ARHGAP20: variants seen among roughly 807,000 people sequenced by gnomAD.
ARHGAP20 encodes Rho GTPase activating protein 20, also known as rho GTPase-activating protein 20.
In ARHGAP20, 34 loss-of-function variants were observed where a neutral mutation model predicts 73.7. The ratio of observed to expected loss-of-function variants is 0.46; its 90% CI spans 0.35 to 0.61. The LOEUF is 0.61. Ranked by LOEUF, ARHGAP20 falls within the 20% of genes least tolerant of loss-of-function variation. ARHGAP20 has a pLI of 0.00. For missense variants in ARHGAP20, 1,314 were observed against 1,420.9 expected (o/e 0.92, Z 1.21); for synonymous variants, 523 against 518.2 (o/e 1.01, Z -0.13).
intron 2 of ARHGAP20, among the ~76,000 whole-genome samples, chr11:110,638,171 T>C (rs1373331949): frequency 6.6e-6 from 1 of 152,036 alleles, no homozygotes; most frequent in Non-Finnish European, 1.5e-5. Flanking sequence ...AATTCCATAC[T>C]TGGCCTCAAG....
intron 3 of ARHGAP20, among the ~76,000 whole-genome samples, chr11:110,628,112 T>C (rs1163494416): frequency 2.6e-5 from 4 of 152,202 alleles, no homozygotes; most frequent in Non-Finnish European, 1.5e-5. Context: ...ATGTAGCAGT[T>C]GATTGATTAT....
chr11:110,696,983 C>A (rs1257500213), intron 1 of ARHGAP20, among the ~76,000 whole-genome samples: 1 of 151,620 alleles, frequency 6.6e-6, no homozygotes, highest in Non-Finnish European at 1.5e-5. Flanking sequence ...TTGATGGACA[C>A]TTGGATTGGC....
chr11:110,647,596 T>A (rs1036708321), intron 2 of ARHGAP20, among the ~76,000 whole-genome samples: 10 of 152,116 alleles, frequency 6.6e-5, no homozygotes, highest in Non-Finnish European at 1.5e-5. Context: ...TCATAACTTT[T>A]TTTATGCAAA....
At position 110,581,095 on chromosome 11, in the gene ARHGAP20, G is replaced by GTC; in HGVS notation, c.1850_1851insGA (p.Leu618ThrfsTer2). On this transcript the variant is annotated frameshift_variant, in exon 15 of 15. Coordinates refer to ENST00000683387, the MANE Select transcript of ARHGAP20 (RefSeq NM_001384657.1). LOFTEE classifies it low-confidence loss of function (END_TRUNC). ...CAAGATCATAGTCACTGAGGGTTAA[G>GTC]ACAGAGTCCATGCTTCTGCTCCCCT... is the stretch of plus-strand genomic sequence containing the variant. 6.2e-7 allele frequency: 1 copy of GTC among 1,614,182 alleles called. No individual in the cohort carries two copies.
intron 11 of ARHGAP20, 29 bp from the exon 12 acceptor site, chr11:110,586,354 AAAT>A: frequency 7.2e-7 from 1 of 1,388,542 alleles, no homozygotes; most frequent in Non-Finnish European, 9.9e-7. Flanking sequence ...CAAATATTTC[AAAT>A]AATTATCCTC....
At chr11:110,627,427 C>A (rs1040486363) in intron 3 of ARHGAP20, among the ~76,000 whole-genome samples, 1 of 152,104 alleles carries the variant, frequency 6.6e-6, no homozygotes, top group Non-Finnish European at 1.5e-5. Context: ...TCCCTTATTA[C>A]AAATTTATTA....
chr11:110,689,412 CT>C lies in ARHGAP20; in HGVS notation c.188+1134del, dbSNP rs1565479044. ...TGTAACATTCCTTTGAACATAAAAA[CT>C]CTTACGAGTTAAAATGCCATTTAAA... On this transcript the variant is annotated intron_variant, in intron 2 of 14. Coordinates refer to ENST00000683387, the MANE Select transcript of ARHGAP20 (RefSeq NM_001384657.1). 2.0e-5 allele frequency among the ~76,000 whole-genome samples: 3 copies of C among 152,086 alleles called. No individual in the cohort carries two copies. The South Asian group carries it at 6.2e-4, about 32-fold the overall frequency.
chr11:110,648,672 G>A (rs1182447295), intron 2 of ARHGAP20, among the ~76,000 whole-genome samples: 4 of 151,646 alleles, frequency 2.6e-5, no homozygotes, highest in Admixed American at 2.0e-4. Flanking sequence ...TAGTAGAGAC[G>A]AGGTTTCACC....
chr11:110,589,099 G>C (rs1308791113), intron 11 of ARHGAP20, among the ~76,000 whole-genome samples: 2 of 151,952 alleles, frequency 1.3e-5, no homozygotes, highest in Non-Finnish European at 2.9e-5. Context: ...AAAAACACAA[G>C]CTTTACCTTT....
chr11:110,605,752 GA>G (rs1382637988), intron 9 of ARHGAP20, among the ~76,000 whole-genome samples: 3 of 152,236 alleles, frequency 2.0e-5, no homozygotes, highest in Non-Finnish European at 4.4e-5. Flanking sequence ...TAGCCTCAGT[GA>G]TCTCTCAAGG....
Position 110,668,518 on chromosome 11 carries a change from A to T in ARHGAP20, c.188+22029T>A, listed in dbSNP as rs187524300. On this transcript the variant is annotated intron_variant, in intron 2 of 14. Coordinates refer to ENST00000683387, the MANE Select transcript of ARHGAP20 (RefSeq NM_001384657.1). ...GAAAAAATTAGCTTGGCATGGTGGC[A>T]CACACTTGGAGTCCCAGCTACTCAG... 1.3e-3 allele frequency among the ~76,000 whole-genome samples: 203 copies of T among 152,112 alleles called. 2 individuals carry two copies. Among genetic ancestry groups the T allele is most frequent in the Admixed American group, 4.5e-3 (68 of 15,266 alleles).
At chr11:110,686,063 T>G (rs996009315) in intron 2 of ARHGAP20, among the ~76,000 whole-genome samples, 1 of 152,138 alleles carries the variant, frequency 6.6e-6, no homozygotes, top group Non-Finnish European at 1.5e-5. Context: ...ATTTGCATTA[T>G]TTGTAACAAC....
chr11:110,599,174 C>A (rs972748343), intron 9 of ARHGAP20, among the ~76,000 whole-genome samples: 2 of 152,244 alleles, frequency 1.3e-5, no homozygotes, highest in African/African-American at 4.8e-5. Context: ...CAAACTGCAA[C>A]TGTAGACATA....
At chr11:110,612,193 CG>C (rs1228206883) in intron 6 of ARHGAP20, among the ~76,000 whole-genome samples, 1 of 151,200 alleles carries the variant, frequency 6.6e-6, no homozygotes, top group Non-Finnish European at 1.5e-5. Flanking sequence ...CCGAGGTGGG[CG>C]GGTCATGAGG....
Position 110,577,188 on chromosome 11 carries a change from T to C in ARHGAP20, c.*2182A>G. ...AAAAATACACATTTATTACATAACA[T>C]ATGGTAGTAAAATTTGTCAAGATAT... On this transcript the variant is annotated 3_prime_UTR_variant, in exon 15 of 15. Coordinates refer to ENST00000683387, the MANE Select transcript of ARHGAP20 (RefSeq NM_001384657.1). 1 of 1,529,390 alleles carries C rather than the reference T, an allele frequency of 6.5e-7. No homozygotes were observed. The highest frequency in any genetic ancestry group is 8.7e-7 in the Non-Finnish European group (1 of 1,143,486). 94.7% of individuals were successfully genotyped at this position (1,529,390 alleles called of 1,614,324 possible).
chr11:110,599,885 A>C (rs561331002), intron 9 of ARHGAP20, among the ~76,000 whole-genome samples: 1 of 152,202 alleles, frequency 6.6e-6, no homozygotes, highest in East Asian at 1.9e-4. Context: ...ATGATGAAAC[A>C]ACCAACTACA....
At chr11:110,635,762 A>G (rs1948953970) in intron 2 of ARHGAP20, among the ~76,000 whole-genome samples, 1 of 152,040 alleles carries the variant, frequency 6.6e-6, no homozygotes, top group African/African-American at 2.4e-5. Flanking sequence ...AGCAGAGAAC[A>G]AAGAAAAGGC....
chr11:110,594,547 T>A (rs530571921), intron 9 of ARHGAP20, among the ~76,000 whole-genome samples: 1 of 152,258 alleles, frequency 6.6e-6, no homozygotes, highest in East Asian at 1.9e-4. Flanking sequence ...TCAGCAGGTA[T>A]CCATATATGA....
At chr11:110,686,468 T>C (rs867058329) in intron 2 of ARHGAP20, among the ~76,000 whole-genome samples, 6 of 152,308 alleles carry the variant, frequency 3.9e-5, no homozygotes, top group Admixed American at 3.3e-4. Context: ...ATTTACTTTT[T>C]GTTTTATACA....
Sources: allele counts gnomAD v4.1 joint callset (sites outside exome capture counted in the v4.1 genomes callset), GRCh38; gene constraint gnomAD v4.1.1; transcripts MANE v1.5; gene names NCBI Gene and HGNC (gene_info 2026-07-23, HGNC 2026-07-21).